The following FBXO36 variants were observed in gnomAD, a reference collection of about 807,000 sequenced individuals.
FBXO36 encodes the protein F-box protein 36.
Under a neutral mutation model 17.0 loss-of-function variants are expected in FBXO36, and 18 were observed. That is an observed-to-expected ratio of 1.06 (90% CI 0.73 to 1.57). The LOEUF (loss-of-function observed/expected upper bound fraction) is 1.57, where lower values mean the gene tolerates loss of function less well. FBXO36 is among the 40% of genes most tolerant of loss of function. The probability of loss-of-function intolerance (pLI) is 0.00; values close to 1 mark genes in which losing one functional copy is unlikely to be tolerated. For missense variants in FBXO36, 229 were observed against 221.9 expected (o/e 1.03, Z -0.20); for synonymous variants, 83 against 85.3 (o/e 0.97, Z 0.15).
intron 1 of FBXO36, among the ~76,000 whole-genome samples, chr2:229,959,000 C>T (rs1411773223): frequency 6.6e-6 from 1 of 152,154 alleles, no homozygotes; most frequent in East Asian, 1.9e-4. Flanking sequence ...CGGAATGTCC[C>T]TCTAAGTCCA....
At chr2:229,931,920 A>T (rs505425) in intron 1 of FBXO36, among the ~76,000 whole-genome samples, 134,318 of 147,060 alleles carry the variant, frequency 0.91, 61,407 homozygotes, top group East Asian at 0.99. Flanking sequence ...ATGTGTATAT[A>T]TTTTTTTTTT....
intron 1 of FBXO36, among the ~76,000 whole-genome samples, chr2:229,948,603 T>C (rs999711729): frequency 2.0e-5 from 3 of 151,640 alleles, no homozygotes; most frequent in Non-Finnish European, 2.9e-5. Context: ...GCCAAGGGAA[T>C]GGCAGTGGAA....
intron 2 of FBXO36, among the ~76,000 whole-genome samples, chr2:229,989,201 C>G (rs887237193): frequency 1.3e-5 from 2 of 152,104 alleles, no homozygotes; most frequent in Admixed American, 1.3e-4. Context: ...TGTTGACATT[C>G]AGATCATTTT....
At chr2:229,924,171 A>C (rs1577321623) in intron 1 of FBXO36, among the ~76,000 whole-genome samples, 2 of 151,828 alleles carry the variant, frequency 1.3e-5, no homozygotes, top group African/African-American at 4.8e-5. Flanking sequence ...GCTCACTGCA[A>C]CCTCCGCATC....
At chr2:229,969,704 T>A (rs1335203771) in intron 1 of FBXO36, among the ~76,000 whole-genome samples, 2 of 151,902 alleles carry the variant, frequency 1.3e-5, no homozygotes, top group Admixed American at 1.3e-4. Context: ...AAAATAAAAA[T>A]AAAATAAAAT....
intron 1 of FBXO36, among the ~76,000 whole-genome samples, chr2:229,972,898 C>T (rs2077188034): frequency 6.6e-6 from 1 of 151,526 alleles, no homozygotes; most frequent in South Asian, 2.1e-4. Flanking sequence ...CCTGTCTCTA[C>T]TAAAAATACA....
chr2:229,988,589 C>T (rs1560451588), intron 2 of FBXO36, among the ~76,000 whole-genome samples: 1 of 152,078 alleles, frequency 6.6e-6, no homozygotes, highest in Non-Finnish European at 1.5e-5. Context: ...GGCTGGAGTG[C>T]AGTGGCGCGA....
At chr2:229,948,585 A>G (rs2077039485) in intron 1 of FBXO36, among the ~76,000 whole-genome samples, 1 of 151,750 alleles carries the variant, frequency 6.6e-6, no homozygotes, top group Non-Finnish European at 1.5e-5. Context: ...CCACATGACT[A>G]AATTCTGGCC....
chr2:229,944,692 A>G (rs541120786), intron 1 of FBXO36, among the ~76,000 whole-genome samples: 41 of 145,994 alleles, frequency 2.8e-4, no homozygotes, highest in African/African-American at 1.0e-3. Context: ...TCCTGGGTTC[A>G]TACCATTCTC....
chr2:229,945,453 C>T (rs561237188), intron 1 of FBXO36, among the ~76,000 whole-genome samples: 11 of 152,120 alleles, frequency 7.2e-5, no homozygotes, highest in African/African-American at 2.7e-4. Context: ...AGTACAGGTG[C>T]CCGCCACCAC....
chr2:229,934,946 G>T (rs1000579107), intron 1 of FBXO36, among the ~76,000 whole-genome samples: 1 of 152,106 alleles, frequency 6.6e-6, no homozygotes, highest in Non-Finnish European at 1.5e-5. Context: ...CTTTCCTTTG[G>T]TTTTACAAAT....
chr2:230,001,129 G>A (rs1200558569), intron 3 of FBXO36, among the ~76,000 whole-genome samples: 1 of 152,046 alleles, frequency 6.6e-6, no homozygotes, highest in African/African-American at 2.4e-5. Context: ...AAAGTGTTGA[G>A]ATTACAGGCG....
At chr2:229,990,041 A>G (rs2077290581) in intron 2 of FBXO36, among the ~76,000 whole-genome samples, 1 of 151,760 alleles carries the variant, frequency 6.6e-6, no homozygotes, top group Admixed American at 6.6e-5. Flanking sequence ...GTTCAATCCT[A>G]GTTCTGCCGC....
At chr2:229,941,908 C>T (rs570216687) in intron 1 of FBXO36, among the ~76,000 whole-genome samples, 164 of 152,078 alleles carry the variant, frequency 1.1e-3, no homozygotes, top group Admixed American at 3.1e-3. Flanking sequence ...CCCAGCTACT[C>T]AGGAGGCCAA....
intron 2 of FBXO36, among the ~76,000 whole-genome samples, chr2:229,994,443 G>A (rs1036074884): frequency 1.3e-5 from 2 of 152,120 alleles, no homozygotes; most frequent in African/African-American, 4.8e-5. Context: ...ATCTTATATA[G>A]CTACTCTTCT....
chr2:229,951,050 C>T (rs1443140645), intron 1 of FBXO36, among the ~76,000 whole-genome samples: 1 of 152,092 alleles, frequency 6.6e-6, no homozygotes, highest in African/African-American at 2.4e-5. Flanking sequence ...TCTCCTGCCT[C>T]AGCCTCCCGA....
chr2:229,973,231 C>G (rs2077190213), intron 1 of FBXO36: 1 of 151,806 alleles, frequency 6.6e-6, no homozygotes, highest in African/African-American at 2.4e-5. Context: ...TCCATTTTTC[C>G]CTGTCCTCAC....
At chr2:229,937,086 A>G (rs1020945772) in intron 1 of FBXO36, among the ~76,000 whole-genome samples, 1 of 152,146 alleles carries the variant, frequency 6.6e-6, no homozygotes, top group Non-Finnish European at 1.5e-5. Flanking sequence ...ATTATTTTAT[A>G]TATAGCCCAG....
intron 1 of FBXO36, chr2:229,932,944 G>T: frequency 4.2e-6 from 1 of 239,538 alleles, no homozygotes; most frequent in Admixed American, 4.9e-5. Flanking sequence ...ATGCACGCCT[G>T]TAATCCCAGC....
Sources: allele counts gnomAD v4.1 joint callset (sites outside exome capture counted in the v4.1 genomes callset), GRCh38; gene constraint gnomAD v4.1.1; transcripts MANE v1.5; gene names NCBI Gene and HGNC (gene_info 2026-07-23, HGNC 2026-07-21).